The following PPM1L variants were observed in gnomAD, a reference collection of about 807,000 sequenced individuals.
PPM1L encodes protein phosphatase, Mg2+/Mn2+ dependent 1L, also known as protein phosphatase 1L.
A neutral mutation model predicts 31.4 loss-of-function variants in PPM1L; 13 were observed. That is an observed-to-expected ratio of 0.41 (90% CI 0.27 to 0.66). The LOEUF is 0.66. Among genes scored for constraint, PPM1L ranks in the 30% least tolerant of loss-of-function variants. The pLI is 0.29. For synonymous variants in PPM1L, 184 were observed against 175.4 expected (o/e 1.05, Z -0.39); for missense variants, 326 against 453.7 (o/e 0.72, Z 2.56).
At chr3:160,876,786 G>T (rs1441279410) in intron 1 of PPM1L, among the ~76,000 whole-genome samples, 2 of 152,222 alleles carry the variant, frequency 1.3e-5, no homozygotes, top group Non-Finnish European at 2.9e-5. Context: ...GTGGCCACGT[G>T]GGGGTGGTCA....
At chr3:160,998,816 A>T (rs531786193) in intron 2 of PPM1L, among the ~76,000 whole-genome samples, 34 of 152,332 alleles carry the variant, frequency 2.2e-4, no homozygotes, top group African/African-American at 8.2e-4. Flanking sequence ...ATCCTGGTAA[A>T]CCCAGAACTG....
chr3:160,828,382 A>G (rs1713417340), intron 1 of PPM1L, among the ~76,000 whole-genome samples: 1 of 152,096 alleles, frequency 6.6e-6, no homozygotes, highest in South Asian at 2.1e-4. Flanking sequence ...AATTGGTACT[A>G]TCCTATGGAA....
chr3:161,009,942 A>C (rs1190274474), intron 2 of PPM1L, among the ~76,000 whole-genome samples: 1 of 152,188 alleles, frequency 6.6e-6, no homozygotes, highest in Non-Finnish European at 1.5e-5. Flanking sequence ...ATGTCACTTA[A>C]TGGAAGTAGT....
intron 1 of PPM1L, among the ~76,000 whole-genome samples, chr3:160,927,451 T>C (rs115086531): frequency 0.013 from 1,973 of 152,322 alleles, 35 homozygotes; most frequent in African/African-American, 0.038. Flanking sequence ...GCATTTTTTT[T>C]CTTCCTTTAC....
intron 2 of PPM1L, among the ~76,000 whole-genome samples, chr3:161,014,378 C>T (rs1184536104): frequency 2.0e-5 from 3 of 151,886 alleles, no homozygotes; most frequent in African/African-American, 7.3e-5. Flanking sequence ...ATAACATATC[C>T]ATGTTAGTTG....
intron 1 of PPM1L, among the ~76,000 whole-genome samples, chr3:160,943,357 A>G (rs1324671721): frequency 1.3e-5 from 2 of 152,198 alleles, no homozygotes; most frequent in Non-Finnish European, 2.9e-5. Flanking sequence ...AAAGAGGTTA[A>G]AATAATTTTT....
chr3:160,974,564 G>C (rs1296743367), intron 2 of PPM1L, among the ~76,000 whole-genome samples: 31 of 151,972 alleles, frequency 2.0e-4, no homozygotes, highest in Non-Finnish European at 2.9e-4. Flanking sequence ...GATTGCCATT[G>C]TAACTGGTGT....
chr3:160,962,698 C>T (rs575564556), intron 2 of PPM1L, among the ~76,000 whole-genome samples: 8 of 152,130 alleles, frequency 5.3e-5, no homozygotes, highest in African/African-American at 1.9e-4. Flanking sequence ...TCTATTTTTA[C>T]AAGTATTTTT....
chr3:161,067,661 C>T (rs1037345770), intron 3 of PPM1L, among the ~76,000 whole-genome samples: 1 of 152,232 alleles, frequency 6.6e-6, no homozygotes, highest in Non-Finnish European at 1.5e-5. Flanking sequence ...ACTGGAACTT[C>T]ACAGAGGCTT....
intron 1 of PPM1L, among the ~76,000 whole-genome samples, chr3:160,889,797 A>G (rs376245147): frequency 7.2e-5 from 11 of 152,352 alleles, no homozygotes; most frequent in African/African-American, 2.6e-4. Context: ...CAAAAAACGT[A>G]TCCACCACAA....
In PPM1L at chr3:160,916,147, T is replaced by C. The variant is rs544833390; in HGVS notation, c.400-45589T>C. On this transcript the variant is annotated intron_variant, in intron 1 of 3. Transcript: ENST00000498165. ...AACCTACAGAATGGGAGAAAATTTT[T>C]GCAACCTACTCATCTGACAAAGGGC... Among the ~76,000 whole-genome samples, 500 of 152,170 alleles carry C rather than the reference T, an allele frequency of 3.3e-3. 4 individuals are homozygous for C. Among genetic ancestry groups the C allele is most frequent in the African/African-American group, 0.012 (490 of 41,520 alleles).
chr3:161,009,336 A>T (rs1175357056), intron 2 of PPM1L, among the ~76,000 whole-genome samples: 3 of 152,200 alleles, frequency 2.0e-5, no homozygotes, highest in Non-Finnish European at 4.4e-5. Context: ...GGAATGGAAC[A>T]CATGTTATTA....
intron 2 of PPM1L, among the ~76,000 whole-genome samples, chr3:160,993,080 T>G (rs1287226337): frequency 1.3e-5 from 2 of 152,158 alleles, no homozygotes; most frequent in African/African-American, 2.4e-5. Context: ...ACAAGGTTTT[T>G]TTTTTTTTCT....
At position 160,869,107 on chromosome 3, in the gene PPM1L, T is replaced by C. The variant is rs140411463; in HGVS notation, c.400-92629T>C. Among the ~76,000 whole-genome samples the C allele has an allele frequency of 4.6e-3, 700 of 152,316 alleles. 3 individuals carry two copies. Among genetic ancestry groups the C allele is most frequent in the African/African-American group, 0.016 (670 of 41,566 alleles). ...TTAATTACTCAGCTTCTCTAATCCTTGCTTTCCTCATCTGCACGATGATAT... is the reference window on the plus strand; with the variant it reads ...TTAATTACTCAGCTTCTCTAATCCTCGCTTTCCTCATCTGCACGATGATAT... On this transcript the variant is annotated intron_variant, in intron 1 of 3. Coordinates refer to ENST00000498165, the MANE Select transcript of PPM1L (RefSeq NM_139245.4).
chr3:160,885,751 A>G (rs532879025), intron 1 of PPM1L, among the ~76,000 whole-genome samples: 134 of 152,346 alleles, frequency 8.8e-4, no homozygotes, highest in Admixed American at 1.8e-3. Flanking sequence ...TACCCACGCC[A>G]CGGGGTCTAG....
intron 2 of PPM1L, among the ~76,000 whole-genome samples, chr3:161,019,070 T>C (rs955450769): frequency 7.9e-5 from 12 of 152,228 alleles, no homozygotes; most frequent in Non-Finnish European, 1.2e-4. Flanking sequence ...TCGGGAAACA[T>C]TGAACTAGAG....
chr3:161,022,015 T>C (rs575889253), intron 2 of PPM1L: 1 of 451,516 alleles, frequency 2.2e-6, no homozygotes, highest in Non-Finnish European at 3.9e-6. Context: ...TACCTACAAG[T>C]TAAAAGTTAT....
intron 1 of PPM1L, among the ~76,000 whole-genome samples, chr3:160,775,866 A>T (rs1174388950): frequency 4.6e-5 from 7 of 152,222 alleles, no homozygotes; most frequent in African/African-American, 1.7e-4. Flanking sequence ...AATATCAAAA[A>T]GTGGGGAAAT....
chr3:160,962,170 A>G lies in PPM1L; in HGVS notation c.574+260A>G, dbSNP rs927855290. On this transcript the variant is annotated intron_variant, in intron 2 of 3. Coordinates refer to ENST00000498165, the MANE Select transcript of PPM1L (RefSeq NM_139245.4). ...GGCCTTTTATTAACTGGGTACTCCT[A>G]AAGTGTTATTTCAACTTTGGATAGC... 5.9e-5 allele frequency among the ~76,000 whole-genome samples: 9 copies of G among 152,132 alleles called. No individual in the cohort carries two copies. The South Asian group carries it at 1.7e-3, about 28-fold the overall frequency.
Sources: allele counts gnomAD v4.1 joint callset (sites outside exome capture counted in the v4.1 genomes callset), GRCh38; gene constraint gnomAD v4.1.1; transcripts MANE v1.5; gene names NCBI Gene and HGNC (gene_info 2026-07-23, HGNC 2026-07-21).